Variants in VEPH1 observed in about 807,000 individuals in gnomAD.
VEPH1 encodes ventricular zone-expressed PH domain-containing protein homolog 1.
Under a neutral mutation model 85.2 loss-of-function variants are expected in VEPH1, and 80 were observed. The observed-to-expected ratio is 0.94, with a 90% confidence interval of 0.78 to 1.13. The LOEUF is 1.13. Among genes scored for constraint, VEPH1 ranks in the 50% most tolerant of loss-of-function variants. The probability of loss-of-function intolerance (pLI) is 0.00; values close to 1 mark genes in which losing one functional copy is unlikely to be tolerated. For missense variants in VEPH1, 955 were observed against 980.5 expected, an observed-to-expected ratio of 0.97 and a Z score of 0.35; for synonymous variants, 297 against 348.0, an observed-to-expected ratio of 0.85 and a Z score of 1.63.
chr3:157,272,887 C>T (rs1714895727), intron 12 of VEPH1, among the ~76,000 whole-genome samples: 1 of 152,172 alleles, frequency 6.6e-6, no homozygotes, highest in Non-Finnish European at 1.5e-5. Flanking sequence ...TCCTGAAACA[C>T]TTGCCATCAC....
intron 7 of VEPH1, among the ~76,000 whole-genome samples, chr3:157,370,476 G>A (rs1032358529): frequency 4.6e-5 from 7 of 152,160 alleles, no homozygotes; most frequent in South Asian, 2.1e-4. Flanking sequence ...AGAATGCTAC[G>A]TTCCTTACTC....
chr3:157,481,800 T>C (rs549668703), intron 2 of VEPH1, among the ~76,000 whole-genome samples: 76 of 152,348 alleles, frequency 5.0e-4, no homozygotes, highest in African/African-American at 1.7e-3. Context: ...TAGGTAGGAA[T>C]TCAGTTTCAT....
intron 3 of VEPH1, among the ~76,000 whole-genome samples, chr3:157,463,639 C>T (rs1027284485): frequency 2.0e-5 from 3 of 152,142 alleles, no homozygotes; most frequent in Admixed American, 6.5e-5. Flanking sequence ...AGTCAGGGCA[C>T]GTGCTTGGTT....
intron 2 of VEPH1, among the ~76,000 whole-genome samples, chr3:157,490,370 A>G (rs953395057): frequency 6.6e-6 from 1 of 152,076 alleles, no homozygotes; most frequent in Non-Finnish European, 1.5e-5. Context: ...ACAAGAATAT[A>G]CAAAATAGTC....
chr3:157,340,711 T>C (rs2088812), intron 9 of VEPH1, among the ~76,000 whole-genome samples: 71,322 of 151,998 alleles, frequency 0.47, 18,381 homozygotes, highest in Admixed American at 0.62. Flanking sequence ...GATCTGAGAA[T>C]GGTCAGACTG....
intron 12 of VEPH1, among the ~76,000 whole-genome samples, chr3:157,267,206 C>T (rs528074770): frequency 1.1e-3 from 171 of 151,104 alleles, no homozygotes; most frequent in African/African-American, 4.0e-3. Flanking sequence ...AGTGATTCCC[C>T]TGCCTCAGTC....
At chr3:157,316,919 G>A (rs948612698) in intron 10 of VEPH1, 143 bp downstream of exon 10, 12 of 746,848 alleles carry the variant, frequency 1.6e-5, no homozygotes, top group Middle Eastern at 2.9e-4. Context: ...ATAAAAAACC[G>A]AGGTTAAAGT....
At chr3:157,469,173 C>A (rs76563416) in intron 3 of VEPH1, among the ~76,000 whole-genome samples, 13 of 152,292 alleles carry the variant, frequency 8.5e-5, no homozygotes, top group African/African-American at 3.1e-4. Flanking sequence ...AATTTTGCTG[C>A]AATCCTCATT....
chr3:157,487,227 T>G (rs1738734012), intron 2 of VEPH1, among the ~76,000 whole-genome samples: 1 of 152,020 alleles, frequency 6.6e-6, no homozygotes, highest in Admixed American at 6.6e-5. Context: ...AAATCAAAAC[T>G]TTAAAAAGTA....
chr3:157,280,426 G>C lies in VEPH1; in HGVS notation c.2128+6131C>G, dbSNP rs1452352159. ...ATGGCCTATCTGACACTTTTCCTCT[G>C]TATCAAGACAAGATTGTTGACCCAA... On this transcript the variant is annotated intron_variant, in intron 12 of 13. Transcript: ENST00000362010. 2.6e-5 allele frequency among the ~76,000 whole-genome samples: 4 copies of C among 152,124 alleles called. No individual in the cohort carries two copies. The East Asian group carries it at 7.7e-4, about 29-fold the overall frequency.
chr3:157,336,519 A>G (rs1722984780), intron 9 of VEPH1, among the ~76,000 whole-genome samples: 1 of 152,214 alleles, frequency 6.6e-6, no homozygotes, highest in South Asian at 2.1e-4. Flanking sequence ...ACTCTGCCCA[A>G]CATTGTGTTG....
chr3:157,453,144 G>C (rs1476459851), intron 4 of VEPH1, among the ~76,000 whole-genome samples: 2 of 152,284 alleles, frequency 1.3e-5, no homozygotes, highest in East Asian at 3.9e-4. Context: ...GGAAGCTGTA[G>C]AGGCCTACAC....
At chr3:157,271,591 A>AC (rs1163081572) in intron 12 of VEPH1, among the ~76,000 whole-genome samples, 2 of 152,032 alleles carry the variant, frequency 1.3e-5, no homozygotes, top group Non-Finnish European at 2.9e-5. Context: ...GACACTGTCG[A>AC]CCCTCGGTGT....
At chr3:157,422,143 G>T (rs768903840) in intron 5 of VEPH1, among the ~76,000 whole-genome samples, 1 of 152,170 alleles carries the variant, frequency 6.6e-6, no homozygotes, top group Non-Finnish European at 1.5e-5. Context: ...GGTTTGTGTT[G>T]CAGCTTGGCC....
At chr3:157,358,725 C>T (rs1244541978) in intron 9 of VEPH1, among the ~76,000 whole-genome samples, 1 of 152,134 alleles carries the variant, frequency 6.6e-6, no homozygotes, top group East Asian at 1.9e-4. Flanking sequence ...TAATTAATCT[C>T]ATTTTAAGAA....
chr3:157,443,250 A>C, intron 4 of VEPH1: 1 of 355,708 alleles, frequency 2.8e-6, no homozygotes, highest in Non-Finnish European at 5.1e-6. Flanking sequence ...CTCTCAAATA[A>C]TTAAAAAGGA....
chr3:157,369,192 A>AAAACAAAAC (rs1553773120), intron 7 of VEPH1, among the ~76,000 whole-genome samples: 1 of 142,702 alleles, frequency 7.0e-6, no homozygotes, highest in Non-Finnish European at 1.6e-5. Flanking sequence ...AAAAAAAAAA[A>AAAACAAAAC]AAAAAAAAAA....
intron 6 of VEPH1, among the ~76,000 whole-genome samples, chr3:157,401,040 CA>C (rs1270314447): frequency 6.6e-6 from 1 of 152,108 alleles, no homozygotes; most frequent in Admixed American, 6.6e-5. Context: ...TTCAATTAAA[CA>C]AACTTTTTGA....
At chr3:157,352,791 G>A (rs1325685410) in intron 9 of VEPH1, among the ~76,000 whole-genome samples, 1 of 152,144 alleles carries the variant, frequency 6.6e-6, no homozygotes, top group African/African-American at 2.4e-5. Flanking sequence ...GAGCATAAAG[G>A]ACCTTAAAAG....
Sources: allele counts gnomAD v4.1 joint callset (sites outside exome capture counted in the v4.1 genomes callset), GRCh38; gene constraint gnomAD v4.1.1; transcripts MANE v1.5; gene names NCBI Gene and HGNC (gene_info 2026-07-23, HGNC 2026-07-21).